Variants in FAM120A observed in about 807,000 individuals in gnomAD.
The protein encoded by FAM120A is family with sequence similarity 120 member A.
In FAM120A, 15 loss-of-function variants were observed where a neutral mutation model predicts 109.7. That is an observed-to-expected ratio of 0.14 (90% CI 0.09 to 0.21). The LOEUF (loss-of-function observed/expected upper bound fraction) is 0.21. Among genes scored for constraint, FAM120A ranks in the 10% least tolerant of loss-of-function variants. The probability of loss-of-function intolerance (pLI) is 1.00; values close to 1 mark genes in which losing one functional copy is unlikely to be tolerated. For synonymous variants in FAM120A, 493 were observed against 572.8 expected (o/e 0.86, Z 1.99); for missense variants, 899 against 1,439.3 (o/e 0.62, Z 6.07).
chr9:93,473,377 C>T (rs941907018), intron 2 of FAM120A, among the ~76,000 whole-genome samples: 14 of 152,144 alleles, frequency 9.2e-5, no homozygotes, highest in Admixed American at 7.2e-4. Flanking sequence ...GCAATCTCGG[C>T]TCACTGCAAC....
rs1361104617 is a variant in FAM120A, at chr9:93,564,564, G to A, written c.*24G>A. 1.3e-6 allele frequency: 2 copies of A among 1,572,444 alleles called. No individual in the cohort carries two copies. The highest frequency in any genetic ancestry group is 1.4e-5 in the African/African-American group (1 of 73,780). ...AAACTTATTTTTTATAGAGGGTGAA[G>A]GATGCTGGAAGGGTAAGGATTTAGG... On this transcript the variant is annotated 3_prime_UTR_variant, in exon 18 of 18. Coordinates refer to ENST00000277165, the MANE Select transcript of FAM120A (RefSeq NM_014612.5).
intron 2 of FAM120A, among the ~76,000 whole-genome samples, chr9:93,473,415 C>T (rs1017946956): frequency 4.6e-5 from 7 of 152,122 alleles, no homozygotes; most frequent in African/African-American, 1.7e-4. Context: ...AAGTGATCCT[C>T]CCATCTCAAC....
intron 5 of FAM120A, among the ~76,000 whole-genome samples, chr9:93,503,900 T>G (rs1407889949): frequency 1.3e-5 from 2 of 152,058 alleles, no homozygotes; most frequent in African/African-American, 4.8e-5. Context: ...TGACAGGCAG[T>G]GTGCTGGGTG....
chr9:93,550,960 GTTTA>G (rs1481292762), intron 12 of FAM120A, among the ~76,000 whole-genome samples: 1 of 152,124 alleles, frequency 6.6e-6, no homozygotes, highest in African/African-American at 2.4e-5. Flanking sequence ...ACCATTGGAT[GTTTA>G]TTCTTATTTA....
intron 10 of FAM120A, among the ~76,000 whole-genome samples, chr9:93,541,488 C>A (rs192495774): frequency 3.9e-4 from 59 of 152,142 alleles, no homozygotes; most frequent in Admixed American, 9.8e-4. Context: ...GTGATGGAGA[C>A]CTTATTGGTT....
chr9:93,524,470 G>C (rs1046383901), intron 7 of FAM120A, among the ~76,000 whole-genome samples: 2 of 152,192 alleles, frequency 1.3e-5, no homozygotes, highest in African/African-American at 4.8e-5. Flanking sequence ...TACGGAAGAA[G>C]CTCCAAACGT....
intron 3 of FAM120A, among the ~76,000 whole-genome samples, chr9:93,494,009 C>T (rs1465097420): frequency 6.6e-6 from 1 of 152,156 alleles, no homozygotes; most frequent in East Asian, 1.9e-4. Flanking sequence ...CTGACACATG[C>T]GGTTTAAATA....
chr9:93,564,567 T>C lies in FAM120A; in HGVS notation c.*27T>C. On this transcript the variant is annotated 3_prime_UTR_variant, in exon 18 of 18. Coordinates refer to ENST00000277165, the MANE Select transcript of FAM120A (RefSeq NM_014612.5). The stretch of plus-strand genomic sequence containing the variant: ...CTTATTTTTTATAGAGGGTGAAGGA[T>C]GCTGGAAGGGTAAGGATTTAGGAAT... 6.4e-7 allele frequency: 1 copy of C among 1,556,396 alleles called. No individual in the cohort carries two copies. Among genetic ancestry groups the C allele is most frequent in the Non-Finnish European group, 8.8e-7 (1 of 1,138,822 alleles).
chr9:93,513,313 C>T (rs1385473885), intron 5 of FAM120A, among the ~76,000 whole-genome samples: 6 of 152,136 alleles, frequency 3.9e-5, no homozygotes, highest in East Asian at 3.8e-4. Flanking sequence ...CTGTGCCATG[C>T]GTGTGTGTGC....
At chr9:93,539,068 G>C (rs945158229) in intron 10 of FAM120A, among the ~76,000 whole-genome samples, 2 of 150,682 alleles carry the variant, frequency 1.3e-5, no homozygotes, top group African/African-American at 4.9e-5. Flanking sequence ...CGCAATCTCG[G>C]CTCACTGCAA....
At chr9:93,544,749 AC>A (rs1186486267) in intron 11 of FAM120A, among the ~76,000 whole-genome samples, 1 of 152,112 alleles carries the variant, frequency 6.6e-6, no homozygotes, top group African/African-American at 2.4e-5. Flanking sequence ...ATGACAAGGA[AC>A]CTGTTCCTGT....
chr9:93,453,429 T>C (rs1857382298), intron 1 of FAM120A: 1 of 985,326 alleles, frequency 1.0e-6, no homozygotes, highest in African/African-American at 1.7e-5. Context: ...TGAAAACAAA[T>C]TTTGGGGGCC....
At position 93,452,401 on chromosome 9, in the gene FAM120A, G is replaced by A. The variant is rs1203291272; in HGVS notation, c.474+12G>A. On this transcript the variant is annotated intron_variant, in intron 1 of 17. Transcript: ENST00000277165. The surrounding 1 kb of genome is among the most constrained non-coding windows in gnomAD (Gnocchi z 7.0). ...GCTTCCACGTCAAGGTGAGGCCGGG[G>A]ATCCGGGCGGGCCGGGGACCGGGGC... 5.0e-6 allele frequency: 8 copies of A among 1,596,834 alleles called. No individual in the cohort carries two copies. In the Admixed American group the frequency reaches 8.6e-5, roughly 17 times the overall value.
chr9:93,455,776 C>T (rs1040399024), intron 1 of FAM120A, among the ~76,000 whole-genome samples: 2 of 152,042 alleles, frequency 1.3e-5, no homozygotes, highest in Non-Finnish European at 2.9e-5. Flanking sequence ...GATTCTCCTA[C>T]CTCAGCCTCC....
intron 1 of FAM120A, among the ~76,000 whole-genome samples, chr9:93,457,752 T>C (rs1477303494): frequency 6.6e-6 from 1 of 152,164 alleles, no homozygotes; most frequent in Non-Finnish European, 1.5e-5. Flanking sequence ...CAATTTGTTA[T>C]TTGAGCACTG....
chr9:93,554,641 C>CCA (rs1862229082), intron 12 of FAM120A, among the ~76,000 whole-genome samples: 1 of 152,062 alleles, frequency 6.6e-6, no homozygotes, highest in Non-Finnish European at 1.5e-5. Context: ...CCATTGCACT[C>CCA]CAGCGTGGAT....
At position 93,564,218 on chromosome 9, in the gene FAM120A, A is replaced by AT. The variant is rs1435393589; in HGVS notation, c.3046-7dup. Reference sequence around the variant, plus strand: ...ACCACCTTCTCATTTGTTGTCCTTCATTTTAAACAGGGCAGACCTCCTTAT... The same window carrying AT: ...ACCACCTTCTCATTTGTTGTCCTTCATTTTTAAACAGGGCAGACCTCCTTAT... On this transcript the variant is annotated splice_polypyrimidine_tract_variant and intron_variant, in intron 17 of 17. Transcript: ENST00000277165. 4 of 1,591,770 alleles carry AT rather than the reference A, an allele frequency of 2.5e-6. No individual in the cohort carries two copies. The highest frequency in any genetic ancestry group is 3.4e-6 in the Non-Finnish European group (4 of 1,162,942).
chr9:93,505,590 A>T (rs982939246), intron 5 of FAM120A, among the ~76,000 whole-genome samples: 1 of 152,142 alleles, frequency 6.6e-6, no homozygotes, highest in Non-Finnish European at 1.5e-5. Context: ...GTATTTATGG[A>T]TGAAATGATG....
chr9:93,454,085 C>T (rs1280861978), intron 1 of FAM120A, among the ~76,000 whole-genome samples: 1 of 152,202 alleles, frequency 6.6e-6, no homozygotes, highest in Non-Finnish European at 1.5e-5. Flanking sequence ...ATGCCTCGCA[C>T]ACCTAGTAGG....
Sources: allele counts gnomAD v4.1 joint callset (sites outside exome capture counted in the v4.1 genomes callset), GRCh38; gene constraint gnomAD v4.1.1; non-coding constraint Gnocchi (gnomAD v3.1); transcripts MANE v1.5; gene names NCBI Gene and HGNC (gene_info 2026-07-23, HGNC 2026-07-21).